The following SCHIP1 variants were observed in gnomAD, a reference collection of about 807,000 sequenced individuals.
SCHIP1 encodes the protein schwannomin interacting protein 1.
A neutral mutation model predicts 29.7 loss-of-function variants in SCHIP1; 8 were observed. The observed-to-expected ratio is 0.27, with a 90% confidence interval of 0.16 to 0.49. The LOEUF is 0.49. Among genes scored for constraint, SCHIP1 ranks in the 20% least tolerant of loss-of-function variants. The pLI, the probability that SCHIP1 is intolerant of heterozygous loss-of-function variation, is 0.99. For missense variants in SCHIP1, 193 were observed against 294.6 expected (o/e 0.66, Z 2.52); for synonymous variants, 76 against 94.9 (o/e 0.80, Z 1.16).
At chr3:159,527,448 G>A in the SCHIP1 span, among the ~76,000 whole-genome samples, 5 of 152,140 alleles carry the variant, frequency 3.3e-5, no homozygotes, top group African/African-American at 4.8e-5. Context: ...AGATCTCTGC[G>A]CCACGGTGAC....
chr3:159,661,159 T>A, the SCHIP1 span, among the ~76,000 whole-genome samples: 2 of 152,156 alleles, frequency 1.3e-5, no homozygotes, highest in Non-Finnish European at 2.9e-5. Context: ...TAATTATTCA[T>A]CACAAAGCTA....
chr3:159,703,200 T>C, the SCHIP1 span, among the ~76,000 whole-genome samples: 20 of 152,156 alleles, frequency 1.3e-4, no homozygotes, highest in African/African-American at 4.1e-4. Context: ...AATCAAATGA[T>C]TCAAGAACTT....
the SCHIP1 span, among the ~76,000 whole-genome samples, chr3:159,480,069 A>G: frequency 6.6e-6 from 1 of 152,188 alleles, no homozygotes; most frequent in Non-Finnish European, 1.5e-5. Context: ...TCTAACACAT[A>G]GAAAACAACA....
the SCHIP1 span, among the ~76,000 whole-genome samples, chr3:159,464,504 A>T: frequency 3.3e-5 from 5 of 152,174 alleles, no homozygotes; most frequent in Non-Finnish European, 7.3e-5. Context: ...CATACTGTAA[A>T]GGGTTATCTT....
the SCHIP1 span, among the ~76,000 whole-genome samples, chr3:159,493,356 C>T: frequency 6.6e-6 from 1 of 152,168 alleles, no homozygotes; most frequent in African/African-American, 2.4e-5. Flanking sequence ...TCAGGAAACC[C>T]ATCTCACATG....
At chr3:159,545,210 T>C in the SCHIP1 span, among the ~76,000 whole-genome samples, 56 of 152,136 alleles carry the variant, frequency 3.7e-4, no homozygotes, top group African/African-American at 1.2e-3. Context: ...GAGTGTCAAC[T>C]TGATTAGATT....
chr3:159,540,876 C>T, the SCHIP1 span, among the ~76,000 whole-genome samples: 1 of 152,022 alleles, frequency 6.6e-6, no homozygotes, highest in African/African-American at 2.4e-5. Context: ...ACCAGATGTT[C>T]CTGTTCTGGC....
chr3:159,581,384 TC>T, the SCHIP1 span, among the ~76,000 whole-genome samples: 3 of 152,156 alleles, frequency 2.0e-5, no homozygotes, highest in Admixed American at 2.0e-4. Context: ...GCTTGTTCTC[TC>T]TAGCTAAAAG....
At chr3:159,680,125 A>G in the SCHIP1 span, among the ~76,000 whole-genome samples, 1 of 151,924 alleles carries the variant, frequency 6.6e-6, no homozygotes, top group Non-Finnish European at 1.5e-5. Context: ...CTCTGTGAGG[A>G]CAGGGAGTTT....
At chr3:159,480,899 G>A in the SCHIP1 span, among the ~76,000 whole-genome samples, 12 of 152,116 alleles carry the variant, frequency 7.9e-5, no homozygotes, top group African/African-American at 2.7e-4. Context: ...AAGAGGGTCA[G>A]CGAAGGGAGA....
chr3:159,404,377 T>A, the SCHIP1 span, among the ~76,000 whole-genome samples: 2 of 152,108 alleles, frequency 1.3e-5, no homozygotes, highest in African/African-American at 4.8e-5. Flanking sequence ...GCATTTCTGT[T>A]CCTGCCTTAG....
the SCHIP1 span, among the ~76,000 whole-genome samples, chr3:159,510,794 A>G: frequency 6.6e-6 from 1 of 152,200 alleles, no homozygotes; most frequent in Non-Finnish European, 1.5e-5. Context: ...ATATTGCTGA[A>G]CAGCTAATGT....
the SCHIP1 span, among the ~76,000 whole-genome samples, chr3:159,750,261 G>GTATATATA: frequency 5.0e-3 from 59 of 11,724 alleles, 1 homozygote; most frequent in African/African-American, 8.9e-3. Context: ...GTATGTGTGT[G>GTATATATA]TGTATATATA....
chr3:159,433,577 C>A, the SCHIP1 span, among the ~76,000 whole-genome samples: 18 of 152,248 alleles, frequency 1.2e-4, no homozygotes, highest in Admixed American at 2.6e-4. Flanking sequence ...AAAATATGGT[C>A]TTTGGAGCCA....
At chr3:159,869,347 A>T (rs925284791) in intron 2 of SCHIP1, among the ~76,000 whole-genome samples, 1 of 151,988 alleles carries the variant, frequency 6.6e-6, no homozygotes, top group African/African-American at 2.4e-5. Context: ...CATTCATTAG[A>T]TTTCCTACCA....
the SCHIP1 span, among the ~76,000 whole-genome samples, chr3:159,526,183 A>G: frequency 1.3e-5 from 2 of 151,896 alleles, no homozygotes; most frequent in African/African-American, 4.8e-5. Context: ...ACAACCTTTT[A>G]TTTTATTTTA....
chr3:159,488,553 G>C, the SCHIP1 span, among the ~76,000 whole-genome samples: 1 of 152,164 alleles, frequency 6.6e-6, no homozygotes, highest in Non-Finnish European at 1.5e-5. Flanking sequence ...GGAAAGGTCT[G>C]AGGAGGGCAG....
chr3:159,593,239 A>C, the SCHIP1 span, among the ~76,000 whole-genome samples: 1 of 152,196 alleles, frequency 6.6e-6, no homozygotes, highest in Admixed American at 6.6e-5. Flanking sequence ...GTAGGTACTT[A>C]AGTGGAATCA....
chr3:159,788,906 C>T, the SCHIP1 span, among the ~76,000 whole-genome samples: 3 of 151,990 alleles, frequency 2.0e-5, no homozygotes, highest in South Asian at 4.2e-4. Context: ...CTAAAATGCT[C>T]CAAAATTCTA....
Sources: gnomAD v4.1 joint callset for allele counts (sites outside exome capture counted in the v4.1 genomes callset) on GRCh38, gnomAD v4.1.1 for gene constraint, MANE v1.5 for transcripts, NCBI Gene and HGNC (gene_info 2026-07-23, HGNC 2026-07-21) for gene names.